The following ONECUT1 variants were observed in gnomAD, a reference collection of about 807,000 sequenced individuals.
The protein encoded by ONECUT1 is hepatocyte nuclear factor 6.
ONECUT1 carries 12 observed loss-of-function variants against 25.6 expected under a neutral mutation model. That is an observed-to-expected ratio of 0.47 (90% CI 0.30 to 0.76). The LOEUF (loss-of-function observed/expected upper bound fraction) is 0.76, where lower values mean the gene tolerates loss of function less well. Among genes scored for constraint, ONECUT1 ranks in the 30% least tolerant of loss-of-function variants. The pLI is 0.07. For missense variants in ONECUT1, 620 were observed against 651.2 expected (o/e 0.95, Z 0.52); for synonymous variants, 285 against 270.2 (o/e 1.05, Z -0.54).
At chr15:52,757,882 G>A in intron 1 of ONECUT1, 35 bp from the exon 2 acceptor site, 2 of 1,583,812 alleles carry the variant, frequency 1.3e-6, no homozygotes, top group Non-Finnish European at 1.7e-6. Context: ...AGAACAAATG[G>A]TCTAGGGGAG....
rs1388667760 is a variant in ONECUT1 at position 52,756,982 on chromosome 15, C to T, written c.*573G>A. The T allele has an allele frequency of 6.6e-6, 1 of 152,214 alleles. No homozygotes were observed. Among genetic ancestry groups the T allele is most frequent in the East Asian group, 1.9e-4 (1 of 5,200 alleles). 9.4% of individuals were successfully genotyped at this position (152,214 alleles called of 1,614,324 possible). On this transcript the variant is annotated 3_prime_UTR_variant, in exon 2 of 2. Transcript: ENST00000305901. ...TTAGGTGTCATTCAAATTTTCTTTGCTGGGTTTGAATCTGCATTTAGGTTG... is the reference window on the plus strand; with the variant it reads ...TTAGGTGTCATTCAAATTTTCTTTGTTGGGTTTGAATCTGCATTTAGGTTG...
At chr15:52,780,705 C>T in intron 1 of ONECUT1, 2 of 1,508,244 alleles carry the variant, frequency 1.3e-6, no homozygotes, top group South Asian at 1.2e-5. Flanking sequence ...CTAGGTGGCG[C>T]GCTTCGCTCG....
intron 1 of ONECUT1, among the ~76,000 whole-genome samples, chr15:52,769,338 G>C (rs1359542383): frequency 6.6e-6 from 1 of 152,196 alleles, no homozygotes. Flanking sequence ...GTTGGATGTG[G>C]CTCCATAGAA....
rs558217361 is a variant in ONECUT1 at position 52,763,637 on chromosome 15, G to A, written c.1106-5790C>T. ...TTTCAGAGCTTTAATATGTTACTGA[G>A]CATCAACACTTTCTAGCTTACAGGC... On this transcript the variant is annotated intron_variant, in intron 1 of 1. Coordinates refer to ENST00000305901, the MANE Select transcript of ONECUT1 (RefSeq NM_004498.4). Among the ~76,000 whole-genome samples, 25 of 152,282 alleles carry A rather than the reference G, an allele frequency of 1.6e-4. No homozygotes were observed. In the East Asian group the frequency reaches 4.8e-3, roughly 29 times the overall value.
At chr15:52,774,840 T>C (rs919175324) in intron 1 of ONECUT1, among the ~76,000 whole-genome samples, 1 of 152,220 alleles carries the variant, frequency 6.6e-6, no homozygotes, top group African/African-American at 2.4e-5. Flanking sequence ...TGTCTGAGTG[T>C]ATTTATTACT....
In ONECUT1 at chr15:52,789,152, T is replaced by A; in HGVS notation, c.733A>T (p.Asn245Tyr). 6.3e-7 allele frequency: 1 copy of A among 1,596,116 alleles called. No homozygotes were observed. The highest frequency in any genetic ancestry group is 1.1e-5 in the South Asian group (1 of 90,766). Residue 245 changes from asparagine (N) to tyrosine (Y), a missense_variant, in exon 1 of 2, where the codon AAC becomes TAC. Coordinates refer to ENST00000305901, the MANE Select transcript of ONECUT1 (RefSeq NM_004498.4). This position sits in a 1 kb window ranked among gnomAD's most constrained non-coding sequence, Gnocchi z 4.1. ...TGGGGATGGTGCGGAGGAAGGCCGT[T>A]GATGGGCACCATGCCGGCCGAGGTG... ...TPTSAGMVPI[N>Y]GLPPHHPHAH... is the part of the protein sequence containing the mutation.
chr15:52,786,263 C>T (rs189776680), intron 1 of ONECUT1, among the ~76,000 whole-genome samples: 10 of 152,242 alleles, frequency 6.6e-5, no homozygotes, highest in African/African-American at 2.4e-4. Flanking sequence ...TCTTCAGTAA[C>T]TTAAAAATAG....
chr15:52,764,701 T>G (rs778427927), intron 1 of ONECUT1, among the ~76,000 whole-genome samples: 13 of 152,288 alleles, frequency 8.5e-5, no homozygotes, highest in East Asian at 1.9e-4. Flanking sequence ...CAGGACACCA[T>G]GAAACTGCCT....
chr15:52,783,636 T>C (rs1219831635), intron 1 of ONECUT1, among the ~76,000 whole-genome samples: 5 of 152,146 alleles, frequency 3.3e-5, no homozygotes, highest in Non-Finnish European at 7.3e-5. Context: ...TCCGGTCAGT[T>C]TGCAGGAAGA....
rs2083674379 is a variant in ONECUT1 at position 52,756,403 on chromosome 15, C to A, written c.*1152G>T. ...CTAAGGATAGTTCTTTATTTAGTGA[C>A]CTTTTACTAAAAAGCATTACTTTGA... On this transcript the variant is annotated 3_prime_UTR_variant, in exon 2 of 2. Coordinates refer to ENST00000305901, the MANE Select transcript of ONECUT1 (RefSeq NM_004498.4). 6.6e-6 allele frequency among the ~76,000 whole-genome samples: 1 copy of A among 152,016 alleles called. No individual in the cohort carries two copies. Among genetic ancestry groups the A allele is most frequent in the Non-Finnish European group, 1.5e-5 (1 of 68,028 alleles).
rs1341804365 is a variant in ONECUT1, at chr15:52,784,026, T to C, written c.1105+4754A>G. On this transcript the variant is annotated intron_variant, in intron 1 of 1. Coordinates refer to ENST00000305901, the MANE Select transcript of ONECUT1 (RefSeq NM_004498.4). The surrounding 1 kb of genome is among the most constrained non-coding windows in gnomAD (Gnocchi z 5.0). ...AAAACAAAGGCGCAGCAAGCATCCC[T>C]TTCTTCGCTGCCGCGGGCTGAACCA... Among the ~76,000 whole-genome samples the C allele has an allele frequency of 6.6e-6, 1 of 152,198 alleles. No individual in the cohort carries two copies. Among genetic ancestry groups the C allele is most frequent in the Non-Finnish European group, 1.5e-5 (1 of 68,026 alleles).
rs377357845 is a variant in ONECUT1, at chr15:52,788,980, G to A, written c.905C>T (p.Thr302Ile). 17 of 1,612,356 alleles carry A rather than the reference G, an allele frequency of 1.1e-5. No individual in the cohort carries two copies. In the African/African-American group the frequency reaches 1.3e-4, roughly 13 times the overall value. The change falls in exon 1 of 2, where the codon ACC (threonine) becomes ATC (isoleucine). Residue 302 changes from threonine (T) to isoleucine (I), a missense_variant. By Grantham distance (89) the Thr-to-Ile change is moderately conservative. Coordinates refer to ENST00000305901, the MANE Select transcript of ONECUT1 (RefSeq NM_004498.4). This position sits in a 1 kb window ranked among gnomAD's most constrained non-coding sequence, Gnocchi z 4.3. ...INTKEVAQRI[T>I]TELKRYSIPQ... ...GATGCTGTAGCGCTTGAGCTCGGTG[G>A]TGATACGCTGCGCCACCTCTTTGGT...
chr15:52,777,876 C>A lies in ONECUT1; in HGVS notation c.1105+10904G>T, dbSNP rs1022828150. ...GCTCAAATGAGTGAAAAAATTAACT[C>A]TTTTTTCCATATTTAATGAAATTCC... On this transcript the variant is annotated intron_variant, in intron 1 of 1. Coordinates refer to ENST00000305901, the MANE Select transcript of ONECUT1 (RefSeq NM_004498.4). Among the ~76,000 whole-genome samples, 6 of 152,122 alleles carry A rather than the reference C, an allele frequency of 3.9e-5. No homozygotes were observed. The South Asian group carries it at 6.2e-4, about 16-fold the overall frequency.
At chr15:52,785,429 CG>C (rs966897268) in intron 1 of ONECUT1, among the ~76,000 whole-genome samples, 2 of 152,182 alleles carry the variant, frequency 1.3e-5, no homozygotes, top group African/African-American at 4.8e-5. Context: ...AACTCCCCCG[CG>C]GGGTTTGGAG....
At chr15:52,776,918 G>A (rs2083804792) in intron 1 of ONECUT1, among the ~76,000 whole-genome samples, 1 of 152,158 alleles carries the variant, frequency 6.6e-6, no homozygotes, top group Non-Finnish European at 1.5e-5. Flanking sequence ...GAATTTCCTG[G>A]GGGTCTTGCT....
chr15:52,785,328 T>C (rs1207258533), intron 1 of ONECUT1, among the ~76,000 whole-genome samples: 1 of 152,192 alleles, frequency 6.6e-6, no homozygotes, highest in Non-Finnish European at 1.5e-5. Context: ...GACTTTCTCA[T>C]GGCCGCCCCC....
At chr15:52,772,253 G>A (rs1046444305) in intron 1 of ONECUT1, among the ~76,000 whole-genome samples, 1 of 152,116 alleles carries the variant, frequency 6.6e-6, no homozygotes, top group Non-Finnish European at 1.5e-5. Context: ...AATTAGCTGG[G>A]CGTTGTGGCA....
chr15:52,778,078 A>T (rs983944394), intron 1 of ONECUT1, among the ~76,000 whole-genome samples: 5 of 152,194 alleles, frequency 3.3e-5, no homozygotes, highest in Non-Finnish European at 5.9e-5. Flanking sequence ...CTACCTCCTC[A>T]ATGTTAAAAA....
chr15:52,779,240 C>T (rs117167250), intron 1 of ONECUT1, among the ~76,000 whole-genome samples: 3,782 of 151,990 alleles, frequency 0.025, 61 homozygotes, highest in Non-Finnish European at 0.037. Context: ...CAGGCCACCA[C>T]ACCCGGCTAA....
Sources: gnomAD v4.1 joint callset for allele counts (sites outside exome capture counted in the v4.1 genomes callset) on GRCh38, gnomAD v4.1.1 for gene constraint, Gnocchi (gnomAD v3.1) non-coding constraint, MANE v1.5 for transcripts, NCBI Gene and HGNC (gene_info 2026-07-23, HGNC 2026-07-21) for gene names.